Variants in AP3D1 observed in about 807,000 individuals in gnomAD.
The protein encoded by AP3D1 is adaptor related protein complex 3 subunit delta 1, also known as AP-3 complex subunit delta-1.
Under a neutral mutation model 147.6 loss-of-function variants are expected in AP3D1, and 51 were observed. That is an observed-to-expected ratio of 0.35 (90% CI 0.28 to 0.44). The LOEUF (loss-of-function observed/expected upper bound fraction) is 0.44. Among genes scored for constraint, AP3D1 ranks in the 20% least tolerant of loss-of-function variants. The pLI is 1.00. For synonymous variants in AP3D1, 760 were observed against 663.0 expected (o/e 1.15, Z -2.25); for missense variants, 1,421 against 1,624.2 (o/e 0.87, Z 2.15).
chr19:2,132,388 G>T, intron 5 of AP3D1, 83 bp downstream of exon 5: 16 of 1,322,686 alleles, frequency 1.2e-5, no homozygotes, highest in Non-Finnish European at 1.7e-5. Flanking sequence ...TTTCCGCATA[G>T]CCAAGCTTCC....
In AP3D1 at chr19:2,102,728, A is replaced by T. The variant is rs562244449; in HGVS notation, c.3553-460T>A. ...GGGCGACACAGCGAGACTGTCTCAA[A>T]AAATAAATAAATAAATAAATAAATA... On this transcript the variant is annotated intron_variant, in intron 31 of 31. Transcript: ENST00000643116. Among the ~76,000 whole-genome samples the T allele has an allele frequency of 2.0e-3, 254 of 129,646 alleles. 3 individuals are homozygous for T. The highest frequency in any genetic ancestry group is 7.1e-3 in the African/African-American group (239 of 33,692). 85.1% of individuals were successfully genotyped at this position (129,646 alleles called of 152,430 possible).
Position 2,121,245 on chromosome 19 carries a change from T to C in AP3D1, c.1168A>G (p.Thr390Ala). The part of the protein sequence containing the change: ...LMTHVDKAEG[T>A]TYRDELLTKI... ...GTGAGCAGCTCGTCACGGTAGGTGG[T>C]ACCCTCTGCCTTGTCTACGTGGGTC... The change falls in exon 13 of 32, where the codon ACC becomes GCC. Residue 390 changes from threonine to alanine, a missense_variant. By Grantham distance (58) the Thr-to-Ala change is moderately conservative. Around this residue, in one of 6 missense-constraint regions of AP3D1, gnomAD observed 310 missense variants for 388.1 expected, o/e 0.80. Transcript: ENST00000643116. 6.2e-7 allele frequency: 1 copy of C among 1,614,196 alleles called. No individual in the cohort carries two copies. Among genetic ancestry groups the C allele is most frequent in the Non-Finnish European group, 8.5e-7 (1 of 1,180,014 alleles).
At chr19:2,111,205 G>A (rs538100706) in intron 26 of AP3D1, 80 bp downstream of exon 26, 2 of 1,549,544 alleles carry the variant, frequency 1.3e-6, no homozygotes, top group Middle Eastern at 2.1e-4. Context: ...GGAGCTGTGG[G>A]GGCTGCCCGG....
intron 2 of AP3D1, among the ~76,000 whole-genome samples, chr19:2,138,328 G>A (rs1194306131): frequency 4.6e-5 from 7 of 152,206 alleles, no homozygotes; most frequent in Admixed American, 1.3e-4. Context: ...GGAGGGAGCC[G>A]AGACTGCAGG....
Position 2,127,514 on chromosome 19 carries a change from T to G in AP3D1, c.807-313A>C, listed in dbSNP as rs139217126. On this transcript the variant is annotated intron_variant, in intron 8 of 31. Coordinates refer to ENST00000643116, the MANE Select transcript of AP3D1 (RefSeq NM_001261826.3). ...CCTTCCTACTGCATCTTTTCTAGAG[T>G]TTTTTTTGTTTTGTTTTTTGTCTTT... 3.0e-3 allele frequency among the ~76,000 whole-genome samples: 451 copies of G among 151,962 alleles called. 3 individuals are homozygous for G. Among genetic ancestry groups the G allele is most frequent in the African/African-American group, 0.011 (436 of 41,458 alleles).
intron 21 of AP3D1, 61 bp downstream of exon 21, chr19:2,114,687 G>A (rs1383040290): frequency 1.9e-5 from 23 of 1,220,894 alleles, no homozygotes; most frequent in Non-Finnish European, 2.3e-5. Flanking sequence ...AAGGGAGGAC[G>A]AGAGGAAGGG....
At chr19:2,104,259 C>A (rs954244207) in intron 31 of AP3D1, among the ~76,000 whole-genome samples, 1 of 124,786 alleles carries the variant, frequency 8.0e-6, no homozygotes, top group African/African-American at 2.7e-5. Context: ...AACACCGAGG[C>A]ACCAACTCCA....
chr19:2,143,854 G>C (rs967433266), intron 1 of AP3D1, among the ~76,000 whole-genome samples: 1 of 152,112 alleles, frequency 6.6e-6, no homozygotes, highest in Non-Finnish European at 1.5e-5. Flanking sequence ...TTGGGAGGCC[G>C]AGGCGGGTGC....
rs545273657 is a variant in AP3D1 at position 2,108,757 on chromosome 19, C to T, written c.3482G>A (p.Arg1161Gln). 143 of 1,570,002 alleles carry T rather than the reference C, an allele frequency of 9.1e-5. No individual in the cohort carries two copies. Among genetic ancestry groups the T allele is most frequent in the South Asian group, 8.0e-4 (68 of 85,242 alleles). The part of the protein sequence containing the change: ...CFHHHFSVVE[R>Q]VDSCASMYSR... ...GTACATGGAGGCGCAGGAGTCCACTCGCTCCACAACTGCAACAGAGCGGGC... is the reference window on the plus strand; with the variant it reads ...GTACATGGAGGCGCAGGAGTCCACTTGCTCCACAACTGCAACAGAGCGGGC... The change falls in exon 31 of 32, where the codon CGA becomes CAA. Residue 1161 changes from arginine to glutamine, a missense_variant. Around this residue, in one of 6 missense-constraint regions of AP3D1, gnomAD observed 791 missense variants for 761.4 expected, o/e 1.04. Transcript: ENST00000643116.
At chr19:2,104,841 A>T (rs1291192145) in intron 31 of AP3D1, among the ~76,000 whole-genome samples, 1 of 151,644 alleles carries the variant, frequency 6.6e-6, no homozygotes. Context: ...GTACTGGCTA[A>T]TTTTTTTAAT....
In AP3D1 at chr19:2,113,378, T is replaced by C. The variant is rs1219010925; in HGVS notation, c.2637A>G (p.Pro879=). 3.1e-5 allele frequency: 38 copies of C among 1,215,168 alleles called. No homozygotes were observed. The highest frequency in any genetic ancestry group is 3.9e-5 in the Non-Finnish European group (36 of 925,574). The allele number at this position is 1,215,168 out of a possible 1,614,324, so 75.3% of individuals were successfully genotyped here. A position where few individuals can be genotyped will look rare whatever the true frequency, so the allele number is the denominator to read the frequency against. ...CGGGGGCGGGGGCGGGGGCAGGCGG[T>C]GGGGTGGTAGACAGCCAGAAGTCCA... ...EDLDFWLSTT[P]PPAPAPAPAP... is the part of the protein sequence containing the mutation. The change falls in exon 23 of 32, where the codon CCA becomes CCG. Residue 879 remains proline (P), a synonymous_variant. Coordinates refer to ENST00000643116, the MANE Select transcript of AP3D1 (RefSeq NM_001261826.3).
chr19:2,114,292 C>T lies in AP3D1; in HGVS notation c.2434G>A (p.Asp812Asn), dbSNP rs1348846884. The T allele has an allele frequency of 2.5e-6, 4 of 1,611,122 alleles. No homozygotes were observed. Among genetic ancestry groups the T allele is most frequent in the Non-Finnish European group, 3.4e-6 (4 of 1,179,196 alleles). Residue 812 changes from aspartate (D) to asparagine (N), a missense_variant, in exon 22 of 32, where the codon GAC (aspartate) becomes AAC (asparagine). By Grantham distance (23) the Asp-to-Asn change is conservative (BLOSUM62 1). Around this residue, in one of 6 missense-constraint regions of AP3D1, gnomAD observed 791 missense variants for 761.4 expected, o/e 1.04. Coordinates refer to ENST00000643116, the MANE Select transcript of AP3D1 (RefSeq NM_001261826.3). ...TTCTGAATAGGCAGTTTCTCGCTGTCGGCTAAGGGCCTGGAGGAGGAATGA... is the reference window on the plus strand; with the variant it reads ...TTCTGAATAGGCAGTTTCTCGCTGTTGGCTAAGGGCCTGGAGGAGGAATGA... Reference protein sequence around the residue: ...LDIDLDKPLADSEKLPIQKHR... With the variant: ...LDIDLDKPLANSEKLPIQKHR...
intron 11 of AP3D1, among the ~76,000 whole-genome samples, chr19:2,123,096 G>A (rs1269110372): frequency 6.6e-6 from 1 of 152,256 alleles, no homozygotes; most frequent in East Asian, 1.9e-4. Flanking sequence ...CCCAGTGGGG[G>A]CCTTTGCCAT....
At chr19:2,143,253 T>TTG in intron 1 of AP3D1, among the ~76,000 whole-genome samples, 1 of 142,122 alleles carries the variant, frequency 7.0e-6, no homozygotes, top group East Asian at 2.1e-4. Context: ...TTTTTTTTTT[T>TTG]TTTTTGAGAC....
chr19:2,102,126 C>G lies in AP3D1; in HGVS notation c.*47G>C. On this transcript the variant is annotated 3_prime_UTR_variant, in exon 32 of 32. Coordinates refer to ENST00000643116, the MANE Select transcript of AP3D1 (RefSeq NM_001261826.3). ...AGGCGAGACACGTCAGGGCTGCGGTCCCTGGGTACGTGCTCCGCGGGGTGG... is the reference window on the plus strand; with the variant it reads ...AGGCGAGACACGTCAGGGCTGCGGTGCCTGGGTACGTGCTCCGCGGGGTGG... 6.7e-7 allele frequency: 1 copy of G among 1,503,286 alleles called. No homozygotes were observed. Among genetic ancestry groups the G allele is most frequent in the Non-Finnish European group, 9.2e-7 (1 of 1,083,020 alleles). The allele number at this position is 1,503,286 out of a possible 1,614,324, so 93.1% of individuals were successfully genotyped here.
chr19:2,141,168 A>G (rs568672931), intron 1 of AP3D1, among the ~76,000 whole-genome samples: 6 of 152,332 alleles, frequency 3.9e-5, no homozygotes, highest in Non-Finnish European at 8.8e-5. Flanking sequence ...GTGGCTATAC[A>G]TCATTGACAC....
At chr19:2,132,336 G>A in intron 5 of AP3D1, 135 bp downstream of exon 5, 1 of 697,054 alleles carries the variant, frequency 1.4e-6, no homozygotes, top group Non-Finnish European at 2.5e-6. Flanking sequence ...CAGTGATTTG[G>A]TTCCCATTTC....
intron 4 of AP3D1, 38 bp from the exon 5 acceptor site, chr19:2,132,616 C>G: frequency 6.4e-7 from 1 of 1,568,410 alleles, no homozygotes; most frequent in African/African-American, 1.3e-5. Context: ...CCAGGATGCC[C>G]TGGGTGGCAC....
intron 1 of AP3D1, among the ~76,000 whole-genome samples, chr19:2,139,480 G>A (rs1031062818): frequency 1.5e-4 from 23 of 152,298 alleles, no homozygotes; most frequent in Middle Eastern, 3.4e-3. Context: ...TGACCCAAGC[G>A]AACTCAGGCA....
Sources: allele counts gnomAD v4.1 joint callset (sites outside exome capture counted in the v4.1 genomes callset), GRCh38; gene constraint gnomAD v4.1.1; regional missense constraint gnomAD v4.1.1; transcripts MANE v1.5; gene names NCBI Gene and HGNC (gene_info 2026-07-23, HGNC 2026-07-21).